NPAS3: variants seen among roughly 807,000 people sequenced by gnomAD.
NPAS3 encodes neuronal PAS domain-containing protein 3.
Under a neutral mutation model 73.1 loss-of-function variants are expected in NPAS3, and 14 were observed. That is an observed-to-expected ratio of 0.19 (90% confidence interval 0.13 to 0.30). NPAS3 has a LOEUF of 0.30. NPAS3 is among the 10% of genes least tolerant of loss of function. The probability of loss-of-function intolerance (pLI) is 1.00; values close to 1 mark genes in which losing one functional copy is unlikely to be tolerated. For synonymous variants in NPAS3, 620 were observed against 541.5 expected (o/e 1.14, Z -2.01); for missense variants, 1,096 against 1,250.0 (o/e 0.88, Z 1.86).
chr14:33,088,827 C>T (rs2042122528), intron 2 of NPAS3, among the ~76,000 whole-genome samples: 1 of 152,204 alleles, frequency 6.6e-6, no homozygotes, highest in East Asian at 1.9e-4. Context: ...TGAGACGAAG[C>T]TTCCAGAGGA....
chr14:33,274,184 G>T (rs953834160), intron 3 of NPAS3, among the ~76,000 whole-genome samples: 2 of 152,170 alleles, frequency 1.3e-5, no homozygotes, highest in African/African-American at 4.8e-5. Flanking sequence ...ATTTGAATAT[G>T]GTTTGAACAG....
At chr14:33,750,457 T>C (rs2140756283) in intron 7 of NPAS3, among the ~76,000 whole-genome samples, 1 of 152,330 alleles carries the variant, frequency 6.6e-6, no homozygotes, top group African/African-American at 2.4e-5. Flanking sequence ...CAGACTGATA[T>C]GAAATAACTA....
chr14:33,187,668 C>T (rs2046028755), intron 2 of NPAS3, among the ~76,000 whole-genome samples: 1 of 152,122 alleles, frequency 6.6e-6, no homozygotes, highest in East Asian at 1.9e-4. Flanking sequence ...TGAATAGCCA[C>T]TGCACTGCAA....
At chr14:33,108,048 T>A (rs1178276923) in intron 2 of NPAS3, among the ~76,000 whole-genome samples, 1 of 152,188 alleles carries the variant, frequency 6.6e-6, no homozygotes, top group Non-Finnish European at 1.5e-5. Flanking sequence ...GCCATCTCCC[T>A]ATTCACTGAT....
At position 33,326,045 on chromosome 14, in the gene NPAS3, T is replaced by C. The variant is rs925186434; in HGVS notation, c.386-41141T>C. On this transcript the variant is annotated intron_variant, in intron 3 of 11. Coordinates refer to ENST00000356141, the Ensembl canonical transcript of NPAS3. The stretch of plus-strand genomic sequence containing the variant: ...TTAGAAAATAAGACAGTTGTTTTGT[T>C]TTTTAGAATTTGCTTTTTCCCCCCA... 4.0e-5 allele frequency among the ~76,000 whole-genome samples: 6 copies of C among 151,504 alleles called. No homozygotes were observed. In the East Asian group the frequency reaches 9.9e-4, roughly 25 times the overall value.
intron 1 of NPAS3, among the ~76,000 whole-genome samples, chr14:32,988,400 T>C (rs2038182456): frequency 1.3e-5 from 2 of 152,202 alleles, no homozygotes; most frequent in African/African-American, 4.8e-5. Flanking sequence ...GATAGTAGTT[T>C]AGAAACAGAC....
At chr14:33,622,356 A>G (rs1312563164) in intron 5 of NPAS3, among the ~76,000 whole-genome samples, 3 of 152,172 alleles carry the variant, frequency 2.0e-5, no homozygotes, top group Non-Finnish European at 4.4e-5. Context: ...AACATTTACT[A>G]TAATCTTTAA....
chr14:33,499,003 G>T (rs1484378847), intron 4 of NPAS3, among the ~76,000 whole-genome samples: 1 of 147,512 alleles, frequency 6.8e-6, no homozygotes, highest in Non-Finnish European at 1.5e-5. Context: ...GGGAAGGGGG[G>T]TGTATAGACC....
chr14:33,120,050 G>T (rs1377859019), intron 2 of NPAS3, among the ~76,000 whole-genome samples: 3 of 151,896 alleles, frequency 2.0e-5, no homozygotes, highest in Admixed American at 6.6e-5. Context: ...TGTCACCCAG[G>T]TTGGGTTCAA....
At chr14:33,287,724 T>C (rs2041935451) in intron 3 of NPAS3, among the ~76,000 whole-genome samples, 1 of 152,128 alleles carries the variant, frequency 6.6e-6, no homozygotes, top group African/African-American at 2.4e-5. Context: ...GAGAAGGGGT[T>C]AGAATTCAGA....
At chr14:32,988,350 CAG>C (rs1350927972) in intron 1 of NPAS3, among the ~76,000 whole-genome samples, 2 of 152,058 alleles carry the variant, frequency 1.3e-5, no homozygotes, top group African/African-American at 4.8e-5. Context: ...TTTATCTTCT[CAG>C]TAAAACTAAA....
chr14:33,770,832 G>A (rs1243054750), intron 7 of NPAS3, among the ~76,000 whole-genome samples: 3 of 151,372 alleles, frequency 2.0e-5, no homozygotes, highest in African/African-American at 4.9e-5. Context: ...CCTGGGAGAC[G>A]GTGGTTGCAG....
intron 4 of NPAS3, among the ~76,000 whole-genome samples, chr14:33,461,445 T>C (rs1406898910): frequency 6.6e-6 from 1 of 152,206 alleles, no homozygotes; most frequent in Admixed American, 6.5e-5. Context: ...CTTGTTATTG[T>C]CAGATAATAA....
intron 5 of NPAS3, among the ~76,000 whole-genome samples, chr14:33,624,489 T>C (rs779478654): frequency 3.3e-5 from 5 of 152,192 alleles, no homozygotes; most frequent in Non-Finnish European, 7.3e-5. Context: ...TTTTGTGAGA[T>C]TCTCAGAGGT....
At chr14:33,585,676 A>G (rs1008807009) in intron 5 of NPAS3, among the ~76,000 whole-genome samples, 1 of 152,210 alleles carries the variant, frequency 6.6e-6, no homozygotes, top group African/African-American at 2.4e-5. Context: ...TGCAATGCCA[A>G]CCTATTATCA....
At chr14:33,506,893 C>G (rs1431756163) in intron 4 of NPAS3, among the ~76,000 whole-genome samples, 2 of 151,914 alleles carry the variant, frequency 1.3e-5, no homozygotes, top group Admixed American at 6.6e-5. Flanking sequence ...TTCACTCCTT[C>G]TTGACTTTTA....
At chr14:33,393,948 TCCTG>T (rs2047114784) in intron 4 of NPAS3, among the ~76,000 whole-genome samples, 2 of 152,200 alleles carry the variant, frequency 1.3e-5, no homozygotes, top group African/African-American at 4.8e-5. Flanking sequence ...ACTTGCCACT[TCCTG>T]CCAGCAATCT....
At chr14:32,951,603 T>C (rs2036486302) in intron 1 of NPAS3, among the ~76,000 whole-genome samples, 1 of 152,072 alleles carries the variant, frequency 6.6e-6, no homozygotes, top group Non-Finnish European at 1.5e-5. Context: ...AGTACATTTG[T>C]TTCTTAAATT....
chr14:32,960,180 T>A (rs2036851189), intron 1 of NPAS3, among the ~76,000 whole-genome samples: 1 of 152,174 alleles, frequency 6.6e-6, no homozygotes, highest in South Asian at 2.1e-4. Flanking sequence ...TTATGTTTTC[T>A]TTGTATTTAT....
Sources: gnomAD v4.1 joint callset for allele counts (sites outside exome capture counted in the v4.1 genomes callset) on GRCh38, gnomAD v4.1.1 for gene constraint, MANE v1.5 for transcripts, NCBI Gene and HGNC (gene_info 2026-07-23, HGNC 2026-07-21) for gene names.